The following RBM33 variants were observed in gnomAD, a reference collection of about 807,000 sequenced individuals.
RBM33 encodes the protein RNA binding motif protein 33, also known as RNA-binding protein 33.
In RBM33, 28 loss-of-function variants were observed where a neutral mutation model predicts 132.6. The observed-to-expected ratio is 0.21, with a 90% CI of 0.16 to 0.29. The LOEUF (loss-of-function observed/expected upper bound fraction) is 0.29. Among genes scored for constraint, RBM33 ranks in the 10% least tolerant of loss-of-function variants. RBM33 has a pLI of 1.00. For missense variants in RBM33, 1,291 were observed against 1,518.5 expected (o/e 0.85, Z 2.49); for synonymous variants, 634 against 593.0 (o/e 1.07, Z -1.01).
chr7:155,661,938 TG>T (rs1798662829), intron 1 of RBM33, among the ~76,000 whole-genome samples: 1 of 152,216 alleles, frequency 6.6e-6, no homozygotes. Flanking sequence ...TGTAATTTTT[TG>T]TTGAAGTCTG....
At chr7:155,660,126 G>A (rs1040922112) in intron 1 of RBM33, among the ~76,000 whole-genome samples, 2 of 152,166 alleles carry the variant, frequency 1.3e-5, no homozygotes, top group Admixed American at 1.3e-4. Context: ...CTAGACTACA[G>A]TGAGTCAGTC....
intron 16 of RBM33, among the ~76,000 whole-genome samples, chr7:155,767,830 CATA>C (rs1802276098): frequency 6.6e-6 from 1 of 152,232 alleles, no homozygotes; most frequent in Non-Finnish European, 1.5e-5. Context: ...AACAATTGAT[CATA>C]ATCTGGATTA....
At chr7:155,721,354 C>T (rs565378581) in intron 9 of RBM33, among the ~76,000 whole-genome samples, 1 of 152,206 alleles carries the variant, frequency 6.6e-6, no homozygotes, top group South Asian at 2.1e-4. Flanking sequence ...ATAGAGTGAC[C>T]TTACTGCTTA....
intron 14 of RBM33, among the ~76,000 whole-genome samples, chr7:155,757,195 G>A (rs1801879206): frequency 6.6e-6 from 1 of 152,192 alleles, no homozygotes; most frequent in Non-Finnish European, 1.5e-5. Context: ...CCCATGGGTA[G>A]AAGTTGTTCA....
At chr7:155,673,530 A>G (rs145244967) in intron 3 of RBM33, among the ~76,000 whole-genome samples, 1,513 of 127,496 alleles carry the variant, frequency 0.012, 75 homozygotes, top group Middle Eastern at 0.02. Flanking sequence ...ATATATACAC[A>G]CATATATACA....
rs1045505713 is a variant in RBM33, at chr7:155,775,543, T to G, written c.*502T>G. On this transcript the variant is annotated 3_prime_UTR_variant, in exon 18 of 18. Coordinates refer to ENST00000401878, the MANE Select transcript of RBM33 (RefSeq NM_053043.3). Reference sequence around the variant, plus strand: ...AAAGGCTCTTGTACAAAATGTAGATTAAAATTTGGGTGATTGTTGATTGAC... The same window carrying G: ...AAAGGCTCTTGTACAAAATGTAGATGAAAATTTGGGTGATTGTTGATTGAC... 5.7e-6 allele frequency: 1 copy of G among 174,444 alleles called. No individual in the cohort carries two copies. Among genetic ancestry groups the G allele is most frequent in the African/African-American group, 2.4e-5 (1 of 42,252 alleles). 10.8% of individuals were successfully genotyped at this position (174,444 alleles called of 1,614,324 possible). A position where few individuals can be genotyped will look rare whatever the true frequency, so the allele number is the denominator to read the frequency against.
chr7:155,649,238 C>T (rs541209550), intron 1 of RBM33, among the ~76,000 whole-genome samples: 1 of 152,190 alleles, frequency 6.6e-6, no homozygotes, highest in South Asian at 2.1e-4. Context: ...CCTATAGCAC[C>T]CTTGTTTTCT....
At chr7:155,683,179 G>A (rs1444307745) in intron 5 of RBM33, among the ~76,000 whole-genome samples, 2 of 152,144 alleles carry the variant, frequency 1.3e-5, no homozygotes. Flanking sequence ...TGATCACAAT[G>A]GTAACATCTG....
At chr7:155,712,358 A>G (rs1433305404) in intron 8 of RBM33, among the ~76,000 whole-genome samples, 2 of 152,260 alleles carry the variant, frequency 1.3e-5, no homozygotes, top group Non-Finnish European at 2.9e-5. Flanking sequence ...GAACACACAC[A>G]TTTATTGAGC....
At chr7:155,652,676 C>G (rs573415693) in intron 1 of RBM33, among the ~76,000 whole-genome samples, 2 of 152,254 alleles carry the variant, frequency 1.3e-5, no homozygotes, top group South Asian at 2.1e-4. Flanking sequence ...ATGTCTTGTA[C>G]AATGTTTAGG....
intron 3 of RBM33, among the ~76,000 whole-genome samples, chr7:155,673,768 G>GCACACACACACACACACACACACACACA (rs369116329): frequency 1.5e-5 from 2 of 132,962 alleles, no homozygotes; most frequent in African/African-American, 3.2e-5. Context: ...GCGCATGCGC[G>GCACACACACACACACACACACACACACA]CACACACACA....
chr7:155,776,411 C>G lies in RBM33; in HGVS notation c.*1370C>G, dbSNP rs1442132756. ...CTGGAGGGAGCATGGCGCTAGGGCT[C>G]TCAGCCTCCTAGAAGGAAGGGACTA... is the stretch of plus-strand genomic sequence containing the variant. On this transcript the variant is annotated 3_prime_UTR_variant, in exon 18 of 18. Transcript: ENST00000401878. The surrounding 1 kb of genome is among the most constrained non-coding windows in gnomAD (Gnocchi z 4.0). 2 of 152,256 alleles carry G rather than the reference C, an allele frequency of 1.3e-5. No homozygotes were observed. The highest frequency in any genetic ancestry group is 4.8e-5 in the African/African-American group (2 of 41,464). 9.4% of individuals were successfully genotyped at this position (152,256 alleles called of 1,614,324 possible).
chr7:155,673,753 T>A (rs1799056928), intron 3 of RBM33, among the ~76,000 whole-genome samples: 1 of 48,854 alleles, frequency 2.0e-5, no homozygotes, highest in Non-Finnish European at 4.3e-5. Flanking sequence ...CACGTGTATA[T>A]ACGCGCGCAT....
In RBM33 at chr7:155,696,643, C is replaced by G. The variant is rs1047211463; in HGVS notation, c.568-4130C>G. Among the ~76,000 whole-genome samples the G allele has an allele frequency of 3.3e-5, 5 of 152,054 alleles. 1 individual carries two copies. The South Asian group carries it at 1.0e-3, about 32-fold the overall frequency. On this transcript the variant is annotated intron_variant, in intron 5 of 17. Transcript: ENST00000401878. The stretch of plus-strand genomic sequence containing the variant: ...TTTTGTTGATGCTTCTTTTTTGCAT[C>G]TATTGAGATAATTATATGGCTTTTA...
intron 14 of RBM33, among the ~76,000 whole-genome samples, chr7:155,757,741 C>T (rs181889960): frequency 2.0e-5 from 3 of 152,138 alleles, no homozygotes; most frequent in Admixed American, 6.5e-5. Flanking sequence ...TTAATTGGCC[C>T]AGGGTTCTGC....
At chr7:155,725,997 T>C (rs1764347181) in intron 9 of RBM33, among the ~76,000 whole-genome samples, 2 of 152,208 alleles carry the variant, frequency 1.3e-5, no homozygotes, top group Admixed American at 1.3e-4. Flanking sequence ...ATTAACATAT[T>C]GTGATAGAGG....
rs563961651 is a variant in RBM33 at position 155,774,283 on chromosome 7, G to A, written c.3376-276G>A. Among the ~76,000 whole-genome samples, 3 of 152,336 alleles carry A rather than the reference G, an allele frequency of 2.0e-5. No individual in the cohort carries two copies. Among genetic ancestry groups the A allele is most frequent in the African/African-American group, 4.8e-5 (2 of 41,572 alleles). ...ACCCGGTCTCCCAGAGCAGGTTGGG[G>A]CAGCTGATGGGGCCAGATGATGGGA... On this transcript the variant is annotated intron_variant, in intron 16 of 17. Coordinates refer to ENST00000401878, the MANE Select transcript of RBM33 (RefSeq NM_053043.3). This position sits in a 1 kb window ranked among gnomAD's most constrained non-coding sequence, Gnocchi z 4.2.
chr7:155,694,689 G>A (rs187783601), intron 5 of RBM33, among the ~76,000 whole-genome samples: 41 of 152,250 alleles, frequency 2.7e-4, no homozygotes, highest in African/African-American at 7.9e-4. Context: ...GTGTGTGTGC[G>A]CTCCTGTGTC....
chr7:155,666,344 A>G (rs1310257316), intron 2 of RBM33, among the ~76,000 whole-genome samples: 2 of 152,180 alleles, frequency 1.3e-5, no homozygotes, highest in Non-Finnish European at 2.9e-5. Flanking sequence ...GCCCAACTCC[A>G]ACTTTTTGGG....
Sources: allele counts gnomAD v4.1 joint callset (sites outside exome capture counted in the v4.1 genomes callset), GRCh38; gene constraint gnomAD v4.1.1; non-coding constraint Gnocchi (gnomAD v3.1); transcripts MANE v1.5; gene names NCBI Gene and HGNC (gene_info 2026-07-23, HGNC 2026-07-21).